The following SH2D3C variants were observed in gnomAD, a reference collection of about 807,000 sequenced individuals.
The protein encoded by SH2D3C is SH2 domain-containing protein 3C.
Under a neutral mutation model 75.2 loss-of-function variants are expected in SH2D3C, and 25 were observed. The ratio of observed to expected loss-of-function variants is 0.33; its 90% CI spans 0.24 to 0.46. SH2D3C has a LOEUF of 0.46. Among genes scored for constraint, SH2D3C ranks in the 20% least tolerant of loss-of-function variants. The pLI is 1.00. For missense variants in SH2D3C, 933 were observed against 1,165.3 expected (o/e 0.80, Z 2.90); for synonymous variants, 450 against 473.7 (o/e 0.95, Z 0.65).
intron 3 of SH2D3C, among the ~76,000 whole-genome samples, chr9:127,753,775 C>A (rs969548572): frequency 6.6e-6 from 1 of 152,242 alleles, no homozygotes; most frequent in African/African-American, 2.4e-5. Context: ...AGCCTTCTGG[C>A]GTCCTCCTTG....
At chr9:127,762,760 C>T (rs1845559544) in intron 2 of SH2D3C, among the ~76,000 whole-genome samples, 1 of 152,218 alleles carries the variant, frequency 6.6e-6, no homozygotes. Flanking sequence ...AAGCTTACAA[C>T]CTAAGCATTT....
At chr9:127,757,189 C>T (rs1045189736) in intron 3 of SH2D3C, among the ~76,000 whole-genome samples, 3 of 151,060 alleles carry the variant, frequency 2.0e-5, no homozygotes, top group African/African-American at 7.3e-5. Flanking sequence ...GTGATCTGCC[C>T]GCATTACACG....
At position 127,742,939 on chromosome 9, in the gene SH2D3C, T is replaced by G. The variant is rs1844909535; in HGVS notation, c.1826A>C (p.Lys609Thr). The G allele has an allele frequency of 6.2e-7, 1 of 1,613,718 alleles. No homozygotes were observed. The highest frequency in any genetic ancestry group is 1.3e-5 in the African/African-American group (1 of 75,056). ...CLVARILGVT[K>T]EMQTLMGVRW... Reference sequence around the variant, plus strand: ...GACTCCCATTAGGGTCTGCATCTCCTTGGTAACGCCCAGTATCCTAGCAAC... The same window carrying G: ...GACTCCCATTAGGGTCTGCATCTCCGTGGTAACGCCCAGTATCCTAGCAAC... Residue 609 changes from lysine to threonine, a missense_variant, in exon 8 of 12, where the codon AAG (lysine) becomes ACG (threonine). By Grantham distance (78) the Lys-to-Thr change is moderately conservative (BLOSUM62 -1). Coordinates refer to ENST00000314830, the MANE Select transcript of SH2D3C (RefSeq NM_170600.3).
rs117302331 is a variant in SH2D3C, at chr9:127,768,924, C to T, written c.515+5066G>A. Among the ~76,000 whole-genome samples, 411 of 152,350 alleles carry T rather than the reference C, an allele frequency of 2.7e-3. 3 individuals are homozygous for T. The highest frequency in any genetic ancestry group is 4.7e-3 in the Non-Finnish European group (321 of 68,042). On this transcript the variant is annotated intron_variant, in intron 2 of 11. Transcript: ENST00000314830. Reference sequence around the variant, plus strand: ...AGCAAGAGGGTTTGTCCCTTCGTCTCCTTTGTTCAAACACCACTTCCTCAC... The same window carrying T: ...AGCAAGAGGGTTTGTCCCTTCGTCTTCTTTGTTCAAACACCACTTCCTCAC...
At position 127,749,437 on chromosome 9, in the gene SH2D3C, T is replaced by C; in HGVS notation, c.913A>G (p.Lys305Glu). 6.2e-7 allele frequency: 1 copy of C among 1,614,188 alleles called. No individual in the cohort carries two copies. ...ALVRYHVGSR[K>E]AVSEQSGAII... ...GCACCACTCTGCTCTGACACAGCCT[T>C]GCGGCTGCCCACATGATAGCGCACG... Residue 305 changes from lysine to glutamate, a missense_variant, in exon 5 of 12, where the codon AAG becomes GAG. Coordinates refer to ENST00000314830, the MANE Select transcript of SH2D3C (RefSeq NM_170600.3). This position sits in a 1 kb window ranked among gnomAD's most constrained non-coding sequence, Gnocchi z 5.9.
chr9:127,753,016 G>A (rs549898687), intron 3 of SH2D3C, among the ~76,000 whole-genome samples: 4 of 152,220 alleles, frequency 2.6e-5, no homozygotes, highest in African/African-American at 4.8e-5. Flanking sequence ...GGGAGAGAGC[G>A]GCAAAGTCAG....
chr9:127,741,480 G>A (rs1198447021), intron 9 of SH2D3C, among the ~76,000 whole-genome samples: 2 of 151,354 alleles, frequency 1.3e-5, no homozygotes, highest in Admixed American at 6.6e-5. Flanking sequence ...CTCGTGATCC[G>A]CCCGCCTCAG....
chr9:127,777,403 AC>A (rs1294460401), intron 1 of SH2D3C, among the ~76,000 whole-genome samples: 4 of 146,696 alleles, frequency 2.7e-5, no homozygotes, highest in African/African-American at 1.0e-4. Context: ...ATCCCATGAC[AC>A]CCCCATCCCC....
rs1290004276 is a variant in SH2D3C, at chr9:127,749,261, G to A, written c.1089C>T (p.Thr363=). The change falls in exon 5 of 12, where the codon ACC becomes ACT. Residue 363 remains threonine (T), a synonymous_variant. Transcript: ENST00000314830. This position sits in a 1 kb window ranked among gnomAD's most constrained non-coding sequence, Gnocchi z 5.9. The stretch of plus-strand genomic sequence containing the variant: ...TGACCTTGTCAGCAGTGAGCCCATC[G>A]GTCATGGTGACGCTGCGCCGCTTCA... ...SHMKRRSVTM[T]DGLTADKVTR... The A allele has an allele frequency of 8.8e-6, 14 of 1,595,980 alleles. No individual in the cohort carries two copies. In the East Asian group the frequency reaches 1.1e-4, roughly 13 times the overall value.
At chr9:127,773,026 G>A (rs1388443244) in intron 2 of SH2D3C, among the ~76,000 whole-genome samples, 1 of 151,806 alleles carries the variant, frequency 6.6e-6, no homozygotes, top group East Asian at 1.9e-4. Context: ...TAGAGACGGG[G>A]TTTTACCATG....
In SH2D3C at chr9:127,749,105, C is replaced by T. The variant is rs1845117169; in HGVS notation, c.1139+106G>A. On this transcript the variant is annotated intron_variant, in intron 5 of 11. Transcript: ENST00000314830. This position sits in a 1 kb window ranked among gnomAD's most constrained non-coding sequence, Gnocchi z 5.9. ...TCCCATTCCTCCCTGCACACAGAGGCTCCAGGAGAGTAATTTCATCCCATT... is the reference window on the plus strand; with the variant it reads ...TCCCATTCCTCCCTGCACACAGAGGTTCCAGGAGAGTAATTTCATCCCATT... 3 of 861,118 alleles carry T rather than the reference C, an allele frequency of 3.5e-6. No individual in the cohort carries two copies. In the South Asian group the frequency reaches 4.9e-5, roughly 14 times the overall value. The allele number at this position is 861,118 out of a possible 1,614,324, so 53.3% of individuals were successfully genotyped here. A position where few individuals can be genotyped will look rare whatever the true frequency, so the allele number is the denominator to read the frequency against.
chr9:127,742,730 C>T, intron 8 of SH2D3C, 119 bp downstream of exon 8: 1 of 660,778 alleles, frequency 1.5e-6, no homozygotes, highest in Non-Finnish European at 2.6e-6. Context: ...GGATGGGAGG[C>T]GTGGCCAGAG....
rs1279458071 is a variant in SH2D3C at position 127,747,280 on chromosome 9, C to A, written c.1140-9G>T. ...GGCGGGGCAGCGACGTACTGTGGAGCAGACACCATCATGGGCAGGGAGCCC... is the reference window on the plus strand; with the variant it reads ...GGCGGGGCAGCGACGTACTGTGGAGAAGACACCATCATGGGCAGGGAGCCC... On this transcript the variant is annotated splice_polypyrimidine_tract_variant and intron_variant, in intron 5 of 11. Coordinates refer to ENST00000314830, the MANE Select transcript of SH2D3C (RefSeq NM_170600.3). The A allele has an allele frequency of 9.3e-6, 15 of 1,610,100 alleles. No homozygotes were observed. The East Asian group carries it at 2.9e-4, about 31-fold the overall frequency.
Position 127,739,896 on chromosome 9 carries a change from G to A in SH2D3C, c.2201-8C>T, listed in dbSNP as rs1208874064. ...TGCTCAGCGGCGGGCCTTCTGCAAG[G>A]AGAAAGGCAGCAGGCGCTTAAAGAT... is the stretch of plus-strand genomic sequence containing the variant. On this transcript the variant is annotated splice_region_variant and splice_polypyrimidine_tract_variant and intron_variant, in intron 10 of 11. Transcript: ENST00000314830. The surrounding 1 kb of genome is among the most constrained non-coding windows in gnomAD (Gnocchi z 4.3). 6.6e-7 allele frequency: 1 copy of A among 1,511,082 alleles called. No individual in the cohort carries two copies. The highest frequency in any genetic ancestry group is 8.9e-7 in the Non-Finnish European group (1 of 1,122,248). The allele number at this position is 1,511,082 out of a possible 1,614,324, so 93.6% of individuals were successfully genotyped here. A position where few individuals can be genotyped will look rare whatever the true frequency, so the allele number is the denominator to read the frequency against.
chr9:127,774,274 C>A lies in SH2D3C; in HGVS notation c.231G>T (p.Met77Ile). The part of the protein sequence containing the change: ...YARSSDMYSH[M>I]GTMPRPSIKK... ...TGATGCTGGGGCGAGGCATGGTGCCCATGTGGCTGTACATGTCACTGGAGC... is the reference window on the plus strand; with the variant it reads ...TGATGCTGGGGCGAGGCATGGTGCCAATGTGGCTGTACATGTCACTGGAGC... The change falls in exon 2 of 12, where the codon ATG becomes ATT. Residue 77 changes from methionine (M) to isoleucine (I), a missense_variant. Transcript: ENST00000314830. This position sits in a 1 kb window ranked among gnomAD's most constrained non-coding sequence, Gnocchi z 4.3. 6.2e-7 allele frequency: 1 copy of A among 1,614,116 alleles called. No homozygotes were observed. Among genetic ancestry groups the A allele is most frequent in the Non-Finnish European group, 8.5e-7 (1 of 1,180,024 alleles).
chr9:127,749,185 A>G lies in SH2D3C; in HGVS notation c.1139+26T>C. On this transcript the variant is annotated intron_variant, in intron 5 of 11. Coordinates refer to ENST00000314830, the MANE Select transcript of SH2D3C (RefSeq NM_170600.3). This position sits in a 1 kb window ranked among gnomAD's most constrained non-coding sequence, Gnocchi z 5.9. ...TAGCCCTCTCATTACCCACAACCCC[A>G]TTTGACAAATGGGGCCCTGGCTGAC... 1 of 1,511,468 alleles carries G rather than the reference A, an allele frequency of 6.6e-7. No individual in the cohort carries two copies. The highest frequency in any genetic ancestry group is 1.3e-5 in the South Asian group (1 of 79,490). 93.6% of individuals were successfully genotyped at this position (1,511,468 alleles called of 1,614,324 possible). A position where few individuals can be genotyped will look rare whatever the true frequency, so the allele number is the denominator to read the frequency against.
At position 127,754,415 on chromosome 9, in the gene SH2D3C, G is replaced by A. The variant is rs1278519859; in HGVS notation, c.556-3115C>T. ...CCAGCATCCCCTCCAGCTCCCCTCG[G>A]CGTCCCAACCCCAAGCAAAGCCATC... On this transcript the variant is annotated intron_variant, in intron 3 of 11. Transcript: ENST00000314830. This position sits in a 1 kb window ranked among gnomAD's most constrained non-coding sequence, Gnocchi z 4.4. Among the ~76,000 whole-genome samples the A allele has an allele frequency of 1.3e-5, 2 of 152,014 alleles. No homozygotes were observed. Among genetic ancestry groups the A allele is most frequent in the East Asian group, 3.9e-4 (2 of 5,144 alleles).
chr9:127,755,218 G>T, intron 3 of SH2D3C: 1 of 1,196,098 alleles, frequency 8.4e-7, no homozygotes, highest in Non-Finnish European at 1.0e-6. Context: ...GGCGGGGCAG[G>T]GGCGCAGGGA....
intron 2 of SH2D3C, among the ~76,000 whole-genome samples, 164 bp downstream of exon 2, chr9:127,773,826 G>C (rs1845770716): frequency 1.3e-5 from 2 of 151,816 alleles, no homozygotes; most frequent in Admixed American, 1.3e-4. Context: ...GCTGAGGTAG[G>C]AGAATTGCTT....
Sources: allele counts gnomAD v4.1 joint callset (sites outside exome capture counted in the v4.1 genomes callset), GRCh38; gene constraint gnomAD v4.1.1; non-coding constraint Gnocchi (gnomAD v3.1); transcripts MANE v1.5; gene names NCBI Gene and HGNC (gene_info 2026-07-23, HGNC 2026-07-21).